TUT4: variants seen among roughly 807,000 people sequenced by gnomAD.
TUT4 encodes terminal uridylyltransferase 4.
TUT4 carries 36 observed loss-of-function variants against 192.2 expected under a neutral mutation model. The observed-to-expected ratio is 0.19, with a 90% CI of 0.14 to 0.25. The LOEUF is 0.25. TUT4 is among the 10% of genes least tolerant of loss of function. The pLI is 1.00. For missense variants in TUT4, 1,493 were observed against 1,957.2 expected, an observed-to-expected ratio of 0.76 and a Z score of 4.47; for synonymous variants, 618 against 666.0, an observed-to-expected ratio of 0.93 and a Z score of 1.11.
Position 52,475,201 on chromosome 1 carries a change from A to G in TUT4, c.2358T>C (p.Asn786=). ...CIIDNNNLLV[N]ELDFADHGQD... ...GTCCGTGGTCAGCAAAATCTAGTTC[A>G]TTTACCAACAAATTGTTGTTGTCAA... is the stretch of plus-strand genomic sequence containing the variant. The change falls in exon 13 of 30, where the codon AAT becomes AAC. Residue 786 remains asparagine (N), a synonymous_variant. Transcript: ENST00000257177. The G allele has an allele frequency of 3.7e-6, 6 of 1,614,170 alleles. No individual in the cohort carries two copies. Among genetic ancestry groups the G allele is most frequent in the Non-Finnish European group, 5.1e-6 (6 of 1,180,026 alleles).
Position 52,481,887 on chromosome 1 carries a change from G to C in TUT4, c.1552C>G (p.Pro518Ala), listed in dbSNP as rs1243323198. Residue 518 changes from proline to alanine, a missense_variant, in exon 10 of 30, where the codon CCT (proline) becomes GCT (alanine). Pro to Ala is a conservative substitution (Grantham distance 27). Transcript: ENST00000257177. ...ACCATTAAAGCAAAACAGTAAGAAGGGATTCCACCATCAGTTTGGGAGTCA... is the reference window on the plus strand; with the variant it reads ...ACCATTAAAGCAAAACAGTAAGAAGCGATTCCACCATCAGTTTGGGAGTCA... ...YIDSQTDGGIPSYCFALMVMF... is the reference protein window; with the variant it reads ...YIDSQTDGGIASYCFALMVMF... 1.9e-6 allele frequency: 3 copies of C among 1,595,336 alleles called. No homozygotes were observed. The highest frequency in any genetic ancestry group is 2.6e-6 in the Non-Finnish European group (3 of 1,174,986).
chr1:52,519,988 C>T (rs1679808783), intron 2 of TUT4, among the ~76,000 whole-genome samples: 1 of 152,084 alleles, frequency 6.6e-6, no homozygotes, highest in Non-Finnish European at 1.5e-5. Flanking sequence ...CACTGCACTC[C>T]AGCCTGGGCA....
intron 14 of TUT4, chr1:52,468,506 A>T: frequency 2.4e-6 from 1 of 414,284 alleles, no homozygotes; most frequent in Non-Finnish European, 4.3e-6. Context: ...CAGAAAAATA[A>T]TTTTTAAGAT....
At position 52,496,937 on chromosome 1, in the gene TUT4, A is replaced by G. The variant is rs374062266; in HGVS notation, c.1177+69T>C. The G allele has an allele frequency of 7.1e-5, 100 of 1,411,144 alleles. No individual in the cohort carries two copies. The East Asian group carries it at 1.9e-3, about 27-fold the overall frequency. The allele number at this position is 1,411,144 out of a possible 1,614,324, so 87.4% of individuals were successfully genotyped here. On this transcript the variant is annotated intron_variant, in intron 5 of 29. Transcript: ENST00000257177. ...AGGGAAGAAAAACATTAAGAAATGT[A>G]CTCTAGTTCAAGAGGAGCAAGGGAA...
At chr1:52,536,175 A>T (rs72905614) in intron 1 of TUT4, among the ~76,000 whole-genome samples, 10,178 of 152,266 alleles carry the variant, frequency 0.067, 1,125 homozygotes, top group African/African-American at 0.23. Flanking sequence ...ATAAAAATTC[A>T]TTACAAACCT....
intron 27 of TUT4, chr1:52,434,454 A>G (rs1281645868): frequency 6.6e-6 from 1 of 152,240 alleles, no homozygotes; most frequent in Non-Finnish European, 1.5e-5. Context: ...TCAGATTTAG[A>G]GTGTTATTTA....
At chr1:52,551,685 C>T (rs181830032) in intron 1 of TUT4, among the ~76,000 whole-genome samples, 4 of 148,862 alleles carry the variant, frequency 2.7e-5, no homozygotes, top group Admixed American at 2.0e-4. Flanking sequence ...CGCTCGCGCG[C>T]GCACACACAC....
intron 20 of TUT4, among the ~76,000 whole-genome samples, chr1:52,458,003 A>G (rs1403395862): frequency 1.3e-5 from 2 of 152,236 alleles, no homozygotes; most frequent in Non-Finnish European, 2.9e-5. Context: ...AAACTTATGT[A>G]CTTGCATCTT....
intron 1 of TUT4, among the ~76,000 whole-genome samples, chr1:52,550,131 A>G (rs890489167): frequency 1.3e-5 from 2 of 152,198 alleles, no homozygotes; most frequent in African/African-American, 2.4e-5. Flanking sequence ...AAAGGAAAGA[A>G]AAATACTCTG....
At chr1:52,511,513 T>C (rs558277931) in intron 3 of TUT4, among the ~76,000 whole-genome samples, 5 of 152,208 alleles carry the variant, frequency 3.3e-5, no homozygotes, top group Admixed American at 2.0e-4. Flanking sequence ...AATGCACAAA[T>C]ATGCCTGGGG....
At chr1:52,493,691 T>C (rs779617963) in intron 6 of TUT4, 29 bp from the exon 7 acceptor site, 5 of 1,362,248 alleles carry the variant, frequency 3.7e-6, no homozygotes, top group African/African-American at 3.0e-5. Context: ...TAAATCGATA[T>C]ACTAATTTCA....
At chr1:52,458,260 G>T in intron 20 of TUT4, 76 bp downstream of exon 20, 2 of 1,079,074 alleles carry the variant, frequency 1.9e-6, no homozygotes, top group South Asian at 1.5e-5. Flanking sequence ...ATGATGACAT[G>T]AACCAAGCAA....
intron 19 of TUT4, among the ~76,000 whole-genome samples, chr1:52,460,112 G>A (rs1347114825): frequency 6.6e-6 from 1 of 152,092 alleles, no homozygotes; most frequent in Non-Finnish European, 1.5e-5. Flanking sequence ...AGAAAAGTAG[G>A]CATATCAAGT....
At chr1:52,489,075 C>G in intron 8 of TUT4, 40 bp from the exon 9 acceptor site, 2 of 1,559,926 alleles carry the variant, frequency 1.3e-6, no homozygotes, top group Non-Finnish European at 1.7e-6. Flanking sequence ...GTATTAATAC[C>G]CTTAAAAGCA....
intron 7 of TUT4, among the ~76,000 whole-genome samples, chr1:52,491,765 A>G (rs746876669): frequency 0.02 from 2,988 of 152,296 alleles, 40 homozygotes; most frequent in Non-Finnish European, 0.031. Context: ...AAAATTTCTC[A>G]ATAGTACTTG....
At chr1:52,466,293 G>A (rs1435430008) in intron 15 of TUT4, among the ~76,000 whole-genome samples, 6 of 151,980 alleles carry the variant, frequency 3.9e-5, no homozygotes, top group South Asian at 2.1e-4. Flanking sequence ...TGGGAGGATC[G>A]TTTGAGACCA....
chr1:52,495,542 A>G, intron 5 of TUT4, 27 bp from the exon 6 acceptor site: 3 of 1,523,746 alleles, frequency 2.0e-6, no homozygotes, highest in Non-Finnish European at 2.7e-6. Flanking sequence ...ACATCAAAGC[A>G]TGAAATAGCA....
At position 52,475,335 on chromosome 1, in the gene TUT4, C is replaced by T. The variant is rs373120392; in HGVS notation, c.2224G>A (p.Ala742Thr). The change falls in exon 13 of 30, where the codon GCA (alanine) becomes ACA (threonine). Residue 742 changes from alanine (A) to threonine (T), a missense_variant. Ala to Thr is a moderately conservative substitution (Grantham distance 58). Coordinates refer to ENST00000257177, the MANE Select transcript of TUT4 (RefSeq NM_001009881.3). ...CCAAGCAGAATACAACCATTGGTTG[C>T]CATATTGTTCGACTTGACTGGTTTC... is the stretch of plus-strand genomic sequence containing the variant. ...NKKPVKSNNM[A>T]TNGCILLGET... is the part of the protein sequence containing the mutation. The T allele has an allele frequency of 6.2e-7, 1 of 1,614,114 alleles. No individual in the cohort carries two copies.
intron 20 of TUT4, among the ~76,000 whole-genome samples, chr1:52,448,929 C>T (rs1658454156): frequency 6.6e-6 from 1 of 152,206 alleles, no homozygotes; most frequent in Admixed American, 6.5e-5. Context: ...TGGCTGATAA[C>T]ACAGTGGAGT....
Sources: allele counts gnomAD v4.1 joint callset (sites outside exome capture counted in the v4.1 genomes callset), GRCh38; gene constraint gnomAD v4.1.1; transcripts MANE v1.5; gene names NCBI Gene and HGNC (gene_info 2026-07-23, HGNC 2026-07-21).